Variants in ACYP2 observed in about 807,000 individuals in gnomAD.
ACYP2 encodes the protein acylphosphatase-2.
ACYP2 carries 12 observed loss-of-function variants against 11.2 expected under a neutral mutation model. The observed-to-expected ratio is 1.08, with a 90% CI of 0.69 to 1.74. The LOEUF (loss-of-function observed/expected upper bound fraction) is 1.74. Ranked by LOEUF, ACYP2 falls within the 40% of genes most tolerant of loss-of-function variation. The pLI is 0.00. For missense variants in ACYP2, 134 were observed against 101.9 expected (o/e 1.31, Z -1.35); for synonymous variants, 43 against 32.2 (o/e 1.33, Z -1.13).
intron 6 of ACYP2, among the ~76,000 whole-genome samples, chr2:54,165,617 T>G (rs1316044916): frequency 6.7e-6 from 1 of 150,194 alleles, no homozygotes; most frequent in East Asian, 2.0e-4. Flanking sequence ...CAAAGGAAAG[T>G]ACACTTGAAG....
intron 6 of ACYP2, among the ~76,000 whole-genome samples, chr2:54,268,242 T>C (rs1688126573): frequency 6.6e-6 from 1 of 152,334 alleles, no homozygotes; most frequent in Admixed American, 6.5e-5. Flanking sequence ...GTTTTGATCA[T>C]TTGACAGACT....
chr2:54,279,022 T>C (rs1023304325), intron 6 of ACYP2, among the ~76,000 whole-genome samples: 2 of 152,244 alleles, frequency 1.3e-5, no homozygotes, highest in African/African-American at 4.8e-5. Context: ...TGACCCATGA[T>C]AAGTTAAACC....
chr2:54,115,793 T>G (rs755546447), intron 4 of ACYP2, 37 bp downstream of exon 1: 2 of 1,559,380 alleles, frequency 1.3e-6, no homozygotes, highest in African/African-American at 2.8e-5. Context: ...TCAAAAAGGT[T>G]ATGGGAGGAA....
Position 54,195,794 on chromosome 2 carries a change from G to GTTTTTTTTTTTTTTTT in ACYP2, c.404+57052_404+57067dup, listed in dbSNP as rs1168917459. ...GTACATTGTCATCGTTTTGTTGTGGGTTTTTTTTTTTTTTTTTTTTTGAGA... is the reference window on the plus strand; with the variant it reads ...GTACATTGTCATCGTTTTGTTGTGGGTTTTTTTTTTTTTTTTTTTTTTTTTTTTTTTTTTTTTGAGA... On this transcript the variant is annotated intron_variant, in intron 6 of 6. Transcript: ENST00000607452. Among the ~76,000 whole-genome samples the GTTTTTTTTTTTTTTTT allele has an allele frequency of 2.3e-4, 19 of 83,136 alleles. 1 individual carries two copies. Among genetic ancestry groups the GTTTTTTTTTTTTTTTT allele is most frequent in the East Asian group, 4.3e-4 (1 of 2,338 alleles). 54.5% of individuals were successfully genotyped at this position (83,136 alleles called of 152,430 possible). A position where few individuals can be genotyped will look rare whatever the true frequency, so the allele number is the denominator to read the frequency against.
Position 54,074,717 on chromosome 2 carries a change from A to G in ACYP2, c.277+17357A>G, listed in dbSNP as rs575317704. On this transcript the variant is annotated intron_variant, in intron 4 of 6. Coordinates refer to ENST00000607452, the MANE Select transcript of ACYP2 (RefSeq NM_001320586.2). ...TTTTAAGGAATTCGCTCACACAGTT[A>G]TGGAGATTGACAAGTCCAAAATCTG... is the stretch of plus-strand genomic sequence containing the variant. Among the ~76,000 whole-genome samples the G allele has an allele frequency of 2.7e-4, 41 of 152,210 alleles. No individual in the cohort carries two copies. In the South Asian group the frequency reaches 4.4e-3, roughly 16 times the overall value.
intron 6 of ACYP2, among the ~76,000 whole-genome samples, chr2:54,201,577 C>CTTCTTTTTCT (rs1558608246): frequency 5.4e-5 from 7 of 130,130 alleles, no homozygotes; most frequent in African/African-American, 1.4e-4. Context: ...TGATAGCCAG[C>CTTCTTTTTCT]TTCTTTTTCT....
intron 6 of ACYP2, among the ~76,000 whole-genome samples, chr2:54,212,111 T>C (rs1366762842): frequency 1.3e-5 from 2 of 152,198 alleles, no homozygotes; most frequent in Admixed American, 6.5e-5. Flanking sequence ...GTGGCAGTGT[T>C]AGTTTTTTAG....
intron 1 of ACYP2, chr2:53,971,460 C>T (rs1187311131): frequency 2.0e-5 from 3 of 152,278 alleles, no homozygotes; most frequent in South Asian, 2.1e-4. Flanking sequence ...TTTTCTGTCC[C>T]CTTTAAGTCC....
At chr2:54,302,352 G>T (rs1204090399) in intron 6 of ACYP2, among the ~76,000 whole-genome samples, 1 of 152,114 alleles carries the variant, frequency 6.6e-6, no homozygotes, top group Non-Finnish European at 1.5e-5. Flanking sequence ...AGCAGCATTG[G>T]CCTGGTGGAT....
At chr2:54,115,564 C>A in intron 4 of ACYP2, 51 bp from the exon 1 acceptor site, 3 of 1,526,494 alleles carry the variant, frequency 2.0e-6, no homozygotes, top group Non-Finnish European at 2.6e-6. Flanking sequence ...GTGACCCCGG[C>A]GCGCTAGCGT....
rs1483210466 is a variant in ACYP2, at chr2:54,256,193, G to GAGGT, written c.405-48488_405-48485dup. On this transcript the variant is annotated intron_variant, in intron 6 of 6. Coordinates refer to ENST00000607452, the MANE Select transcript of ACYP2 (RefSeq NM_001320586.2). ...GCAGCAGTGGGTAGAGGCCAGGCCA[G>GAGGT]AGGTAGGTAGCGTCAACGTTCCTCA... is the stretch of plus-strand genomic sequence containing the variant. 1.9e-6 allele frequency: 3 copies of GAGGT among 1,553,792 alleles called. No homozygotes were observed. The African/African-American group carries it at 4.1e-5, about 21-fold the overall frequency.
chr2:54,035,080 T>A (rs1459419809), intron 2 of ACYP2, among the ~76,000 whole-genome samples: 1 of 146,526 alleles, frequency 6.8e-6, no homozygotes, highest in East Asian at 2.0e-4. Context: ...CCTCACACAC[T>A]GACATTTAAG....
intron 6 of ACYP2, among the ~76,000 whole-genome samples, chr2:54,166,184 A>G (rs1682964381): frequency 6.6e-6 from 1 of 152,204 alleles, no homozygotes. Flanking sequence ...TGGTGTTGTC[A>G]GAGAGCACCC....
At chr2:54,010,737 C>CTTTTTTTTTTTTT (rs539896151) in intron 2 of ACYP2, among the ~76,000 whole-genome samples, 8 of 107,664 alleles carry the variant, frequency 7.4e-5, no homozygotes, top group Admixed American at 1.1e-4. Flanking sequence ...TTCTTTCTTT[C>CTTTTTTTTTTTTT]TTTTTTTTTT....
rs762238791 is a variant in ACYP2 at position 54,141,895 on chromosome 2, T to C, written c.404+3147T>C. 4 of 640,920 alleles carry C rather than the reference T, an allele frequency of 6.2e-6. No individual in the cohort carries two copies. In the African/African-American group the frequency reaches 7.1e-5, roughly 11 times the overall value. 39.7% of individuals were successfully genotyped at this position (640,920 alleles called of 1,614,324 possible). A position where few individuals can be genotyped will look rare whatever the true frequency, so the allele number is the denominator to read the frequency against. On this transcript the variant is annotated intron_variant, in intron 6 of 6. Coordinates refer to ENST00000607452, the MANE Select transcript of ACYP2 (RefSeq NM_001320586.2). ...CTCTCTCTCCTAGGCTGGAGTGCAG[T>C]GGTCTGATCTAGACTCACTGCAGCC...
At chr2:54,102,444 T>A (rs1436575221) in intron 4 of ACYP2, among the ~76,000 whole-genome samples, 2 of 151,990 alleles carry the variant, frequency 1.3e-5, no homozygotes, top group African/African-American at 4.8e-5. Flanking sequence ...GAAAGTGCTA[T>A]CCCTCATTCC....
At chr2:54,193,956 T>G (rs1684344056) in intron 6 of ACYP2, among the ~76,000 whole-genome samples, 1 of 152,266 alleles carries the variant, frequency 6.6e-6, no homozygotes, top group Non-Finnish European at 1.5e-5. Flanking sequence ...ATTTGTGCTG[T>G]GCTTAAAATA....
chr2:54,118,930 TC>T (rs1338155801), intron 4 of ACYP2, among the ~76,000 whole-genome samples: 2 of 152,116 alleles, frequency 1.3e-5, no homozygotes, highest in African/African-American at 4.8e-5. Flanking sequence ...TCTCATTTAA[TC>T]CTCATCCCTG....
At chr2:54,045,340 C>T (rs1675457603) in intron 2 of ACYP2, among the ~76,000 whole-genome samples, 1 of 152,190 alleles carries the variant, frequency 6.6e-6, no homozygotes, top group Non-Finnish European at 1.5e-5. Context: ...ACCCTGCAAC[C>T]ATTAAATTCT....
Sources: gnomAD v4.1 joint callset for allele counts (sites outside exome capture counted in the v4.1 genomes callset) on GRCh38, gnomAD v4.1.1 for gene constraint, MANE v1.5 for transcripts, NCBI Gene and HGNC (gene_info 2026-07-23, HGNC 2026-07-21) for gene names.